The following ARHGAP29 variants were observed in gnomAD, a reference collection of about 807,000 sequenced individuals.
ARHGAP29 encodes Rho GTPase activating protein 29, also known as rho GTPase-activating protein 29.
ARHGAP29 carries 43 observed loss-of-function variants against 122.6 expected under a neutral mutation model. The ratio of observed to expected loss-of-function variants is 0.35; its 90% CI spans 0.27 to 0.45. The LOEUF (loss-of-function observed/expected upper bound fraction) is 0.45, where lower values mean the gene tolerates loss of function less well. Ranked by LOEUF, ARHGAP29 falls within the 20% of genes least tolerant of loss-of-function variation. ARHGAP29 has a pLI of 1.00. For missense variants in ARHGAP29, 1,303 were observed against 1,477.2 expected (o/e 0.88, Z 1.93); for synonymous variants, 506 against 497.1 (o/e 1.02, Z -0.24).
chr1:94,275,019 G>A (rs1655130913), exon 1 of ARHGAP29: 1 of 152,244 alleles, frequency 6.6e-6, no homozygotes, highest in South Asian at 2.1e-4. Context: ...CACCCAAAGA[G>A]CAGCATGTAG....
chr1:94,257,054 G>T (rs1458323168), intron 1 of ARHGAP29, among the ~76,000 whole-genome samples: 2 of 152,068 alleles, frequency 1.3e-5, no homozygotes, highest in African/African-American at 4.8e-5. Context: ...AATTTTCAAA[G>T]AATTGATTTA....
chr1:94,246,630 AAAAGGTGAGAT>A (rs1460625336), intron 1 of ARHGAP29, among the ~76,000 whole-genome samples: 1 of 152,010 alleles, frequency 6.6e-6, no homozygotes, highest in East Asian at 1.9e-4. Flanking sequence ...GGTGGTGGTG[AAAAGGTGAGAT>A]AAACTAGGAC....
rs780213557 is a variant in ARHGAP29, at chr1:94,170,503, A to T, written c.*3366T>A. 6.6e-6 allele frequency among the ~76,000 whole-genome samples: 1 copy of T among 152,200 alleles called. No homozygotes were observed. ...CTGGATTGGGATGCTGAAACACAGG[A>T]ACATTACTGAGGCAATCAAAATCAG... On this transcript the variant is annotated 3_prime_UTR_variant, in exon 23 of 23. Transcript: ENST00000260526.
At chr1:94,182,643 A>C (rs1210316892) in intron 19 of ARHGAP29, among the ~76,000 whole-genome samples, 1 of 152,254 alleles carries the variant, frequency 6.6e-6, no homozygotes, top group Non-Finnish European at 1.5e-5. Flanking sequence ...TGAATTTCTG[A>C]AGAAAAATAA....
At chr1:94,305,787 A>G in the ARHGAP29 span, among the ~76,000 whole-genome samples, 1 of 152,350 alleles carries the variant, frequency 6.6e-6, no homozygotes, top group Non-Finnish European at 1.5e-5. Context: ...AATTGGTGGT[A>G]TGTGCTAAGA....
At chr1:94,224,594 T>C (rs1329618514) in intron 2 of ARHGAP29, among the ~76,000 whole-genome samples, 1 of 152,202 alleles carries the variant, frequency 6.6e-6, no homozygotes, top group Non-Finnish European at 1.5e-5. Context: ...TCAGTTTTAA[T>C]TTCTAATAGA....
intron 20 of ARHGAP29, among the ~76,000 whole-genome samples, chr1:94,179,339 T>C (rs1649301987): frequency 6.6e-6 from 1 of 152,106 alleles, no homozygotes; most frequent in Non-Finnish European, 1.5e-5. Flanking sequence ...CTCACGCCTG[T>C]AATCCCAGCA....
Position 94,173,765 on chromosome 1 carries a change from C to G in ARHGAP29, c.*104G>C. On this transcript the variant is annotated 3_prime_UTR_variant, in exon 23 of 23. Transcript: ENST00000260526. ...ACAAAAGGCAAAACCCATGATTTGG[C>G]AGTCCTATACAAAAGAGGCCCTGTC... 1 of 1,372,482 alleles carries G rather than the reference C, an allele frequency of 7.3e-7. No homozygotes were observed. Among genetic ancestry groups the G allele is most frequent in the Non-Finnish European group, 9.8e-7 (1 of 1,017,810 alleles). 85.0% of individuals were successfully genotyped at this position (1,372,482 alleles called of 1,614,324 possible).
chr1:94,196,272 T>TG (rs1412987029), intron 12 of ARHGAP29, among the ~76,000 whole-genome samples: 1 of 142,442 alleles, frequency 7.0e-6, no homozygotes, highest in Non-Finnish European at 1.5e-5. Flanking sequence ...TTTTTTTTTT[T>TG]TTTTTTTGAG....
chr1:94,264,987 G>A (rs1014430239), intron 1 of ARHGAP29, among the ~76,000 whole-genome samples: 4 of 152,142 alleles, frequency 2.6e-5, no homozygotes, highest in South Asian at 2.1e-4. Flanking sequence ...GCCCTGGCCC[G>A]TATGTTACAA....
At chr1:94,180,583 A>T (rs542170339) in intron 19 of ARHGAP29, among the ~76,000 whole-genome samples, 1 of 152,016 alleles carries the variant, frequency 6.6e-6, no homozygotes, top group Non-Finnish European at 1.5e-5. Context: ...CTGATGTCCT[A>T]TTTTATCTGT....
chr1:94,189,439 A>G, intron 13 of ARHGAP29, 87 bp from the exon 14 acceptor site: 1 of 1,379,768 alleles, frequency 7.2e-7, no homozygotes, highest in East Asian at 2.5e-5. Flanking sequence ...AGAAAAATCT[A>G]TTAATTTAAC....
chr1:94,251,596 C>T (rs762468116), intron 1 of ARHGAP29, among the ~76,000 whole-genome samples: 2 of 152,224 alleles, frequency 1.3e-5, no homozygotes, highest in Non-Finnish European at 2.9e-5. Context: ...TATTCTACCT[C>T]TGCGTCTCTG....
intron 1 of ARHGAP29, among the ~76,000 whole-genome samples, chr1:94,262,580 A>G (rs1162643935): frequency 6.6e-6 from 1 of 152,208 alleles, no homozygotes; most frequent in Non-Finnish European, 1.5e-5. Flanking sequence ...CCCACTTAAA[A>G]AGTGGGCAAA....
intron 12 of ARHGAP29, chr1:94,191,751 G>A (rs1326305714): frequency 6.6e-6 from 1 of 152,136 alleles, no homozygotes; most frequent in Non-Finnish European, 1.5e-5. Context: ...TGGTTCTAAG[G>A]ATCTGTGTTG....
At chr1:94,290,483 CT>C in the ARHGAP29 span, among the ~76,000 whole-genome samples, 5 of 152,042 alleles carry the variant, frequency 3.3e-5, no homozygotes, top group Non-Finnish European at 7.4e-5. Flanking sequence ...TTTGTTTGCT[CT>C]TGTTTTTCTA....
chr1:94,261,259 A>G (rs903136060), intron 1 of ARHGAP29, among the ~76,000 whole-genome samples: 5 of 152,170 alleles, frequency 3.3e-5, no homozygotes, highest in Admixed American at 3.3e-4. Flanking sequence ...GACATGCTTT[A>G]TAAATCAAGG....
intron 1 of ARHGAP29, among the ~76,000 whole-genome samples, chr1:94,264,312 T>G (rs567046167): frequency 6.6e-6 from 1 of 152,264 alleles, no homozygotes; most frequent in South Asian, 2.1e-4. Flanking sequence ...AATTCTCATC[T>G]CATCTCCATT....
At chr1:94,205,824 T>C (rs1651154216) in intron 5 of ARHGAP29, 141 bp from the exon 6 acceptor site, 1 of 671,554 alleles carries the variant, frequency 1.5e-6, no homozygotes, top group Non-Finnish European at 2.5e-6. Context: ...GCCTTAGAAG[T>C]CTGTTTAAGT....
Sources: allele counts gnomAD v4.1 joint callset (sites outside exome capture counted in the v4.1 genomes callset), GRCh38; gene constraint gnomAD v4.1.1; transcripts MANE v1.5; gene names NCBI Gene and HGNC (gene_info 2026-07-23, HGNC 2026-07-21).